Variants in GRID2 observed in about 807,000 individuals in gnomAD.
GRID2 encodes the protein glutamate ionotropic receptor delta type subunit 2, also known as glutamate receptor ionotropic, delta-2.
A neutral mutation model predicts 114.8 loss-of-function variants in GRID2; 33 were observed. The ratio of observed to expected loss-of-function variants is 0.29; its 90% CI spans 0.22 to 0.38. The LOEUF is 0.38. Ranked by LOEUF, GRID2 falls within the 10% of genes least tolerant of loss-of-function variation. The pLI is 1.00. For synonymous variants in GRID2, 505 were observed against 449.9 expected (o/e 1.12, Z -1.55); for missense variants, 1,184 against 1,257.7 (o/e 0.94, Z 0.89).
At chr4:93,292,372 G>T (rs983320097) in intron 8 of GRID2, among the ~76,000 whole-genome samples, 5 of 152,116 alleles carry the variant, frequency 3.3e-5, no homozygotes, top group Non-Finnish European at 5.9e-5. Context: ...TAAATACCAG[G>T]AGAAATTTAG....
At chr4:92,554,229 T>A (rs1156298074) in intron 1 of GRID2, among the ~76,000 whole-genome samples, 1 of 152,182 alleles carries the variant, frequency 6.6e-6, no homozygotes, top group Non-Finnish European at 1.5e-5. Context: ...CGTATACACA[T>A]GCTGTGTTCA....
intron 4 of GRID2, among the ~76,000 whole-genome samples, chr4:93,117,765 C>T (rs951644333): frequency 2.0e-4 from 30 of 152,112 alleles, no homozygotes; most frequent in Admixed American, 7.2e-4. Flanking sequence ...GTGCATCACA[C>T]AGAAAATACT....
chr4:92,440,614 G>C (rs374805127), intron 1 of GRID2, among the ~76,000 whole-genome samples: 9 of 151,824 alleles, frequency 5.9e-5, no homozygotes, highest in African/African-American at 1.9e-4. Flanking sequence ...AGATTTCCAC[G>C]ATGGAAAGGA....
intron 2 of GRID2, among the ~76,000 whole-genome samples, chr4:92,678,408 C>T (rs993727909): frequency 1.3e-5 from 2 of 151,936 alleles, no homozygotes; most frequent in Non-Finnish European, 2.9e-5. Flanking sequence ...AATAACATAC[C>T]TTTACTTTAT....
chr4:93,302,694 T>C (rs1202882018), intron 8 of GRID2: 7 of 424,734 alleles, frequency 1.6e-5, no homozygotes, highest in Non-Finnish European at 3.3e-5. Flanking sequence ...GGCTACTTTA[T>C]TGAAAGTGGC....
At chr4:93,666,983 A>G (rs1037981459) in intron 14 of GRID2, among the ~76,000 whole-genome samples, 1 of 152,132 alleles carries the variant, frequency 6.6e-6, no homozygotes, top group Admixed American at 6.6e-5. Flanking sequence ...GTAATGAAAT[A>G]GAACCTTTTT....
intron 2 of GRID2, among the ~76,000 whole-genome samples, chr4:92,936,108 A>G (rs189065334): frequency 6.8e-6 from 1 of 147,022 alleles, no homozygotes; most frequent in East Asian, 2.2e-4. Flanking sequence ...ATGTTAAACA[A>G]AAGAAATGCA....
intron 8 of GRID2, among the ~76,000 whole-genome samples, chr4:93,347,994 T>C (rs948069710): frequency 5.3e-5 from 8 of 152,130 alleles, no homozygotes; most frequent in African/African-American, 1.9e-4. Flanking sequence ...AGATTTAACA[T>C]GTCATGATAA....
chr4:93,425,379 G>A (rs1220581073), intron 10 of GRID2, among the ~76,000 whole-genome samples: 9 of 152,068 alleles, frequency 5.9e-5, no homozygotes. Flanking sequence ...ATGTAATCTT[G>A]GTCCCTAGGG....
intron 2 of GRID2, among the ~76,000 whole-genome samples, chr4:92,955,922 T>C (rs1047346613): frequency 2.0e-5 from 3 of 152,170 alleles, no homozygotes; most frequent in African/African-American, 7.2e-5. Context: ...GATTTCACCG[T>C]GTTAGCCAGG....
At chr4:93,282,581 A>G (rs947863494) in intron 8 of GRID2, among the ~76,000 whole-genome samples, 3 of 152,020 alleles carry the variant, frequency 2.0e-5, no homozygotes, top group Non-Finnish European at 4.4e-5. Context: ...ATGATAGCAG[A>G]GTCTTCATGA....
intron 2 of GRID2, among the ~76,000 whole-genome samples, chr4:92,709,423 A>G (rs1457489242): frequency 6.6e-6 from 1 of 151,916 alleles, no homozygotes. Flanking sequence ...TCAAAATTAC[A>G]GTGTAATGAT....
intron 1 of GRID2, among the ~76,000 whole-genome samples, chr4:92,582,460 C>G (rs2149203850): frequency 6.6e-6 from 1 of 151,840 alleles, no homozygotes; most frequent in Admixed American, 6.6e-5. Flanking sequence ...TATCCCTAAA[C>G]ACCCTTAAAT....
At chr4:93,031,980 A>G (rs1383000967) in intron 2 of GRID2, among the ~76,000 whole-genome samples, 1 of 152,158 alleles carries the variant, frequency 6.6e-6, no homozygotes, top group Admixed American at 6.6e-5. Flanking sequence ...CAAGCATTAT[A>G]AACAGACTAA....
intron 13 of GRID2, among the ~76,000 whole-genome samples, chr4:93,562,513 G>T (rs925685984): frequency 1.3e-5 from 2 of 152,006 alleles, no homozygotes; most frequent in African/African-American, 4.8e-5. Context: ...CCTTGAAAGT[G>T]TCTTTTATAG....
intron 1 of GRID2, among the ~76,000 whole-genome samples, chr4:92,507,281 A>G (rs542247172): frequency 1.3e-5 from 2 of 152,094 alleles, no homozygotes; most frequent in Admixed American, 1.3e-4. Flanking sequence ...TACAGAGCAT[A>G]TCACAGCTCC....
chr4:93,409,155 G>C (rs964713155), intron 9 of GRID2, among the ~76,000 whole-genome samples: 1 of 152,098 alleles, frequency 6.6e-6, no homozygotes, highest in Admixed American at 6.6e-5. Context: ...TATGTTTAGG[G>C]GCCTGTGAAT....
intron 2 of GRID2, among the ~76,000 whole-genome samples, chr4:92,789,125 T>C (rs1216753394): frequency 1.3e-5 from 2 of 151,890 alleles, no homozygotes; most frequent in Non-Finnish European, 1.5e-5. Flanking sequence ...TCAGTGTCTT[T>C]CAGTTTCTGT....
intron 2 of GRID2, among the ~76,000 whole-genome samples, chr4:92,805,968 A>T (rs1740390734): frequency 6.6e-6 from 1 of 151,706 alleles, no homozygotes; most frequent in African/African-American, 2.4e-5. Flanking sequence ...TCCTGGCACT[A>T]CACAATCATA....
Sources: allele counts gnomAD v4.1 joint callset (sites outside exome capture counted in the v4.1 genomes callset), GRCh38; gene constraint gnomAD v4.1.1; transcripts MANE v1.5; gene names NCBI Gene and HGNC (gene_info 2026-07-23, HGNC 2026-07-21).